The following SIL1 variants were observed in gnomAD, a reference collection of about 807,000 sequenced individuals.
SIL1 encodes the protein nucleotide exchange factor SIL1.
A neutral mutation model predicts 49.1 loss-of-function variants in SIL1; 40 were observed. That is an observed-to-expected ratio of 0.81 (90% confidence interval 0.63 to 1.06). SIL1 has a LOEUF of 1.06. Ranked by LOEUF, SIL1 falls within the 50% of genes least tolerant of loss-of-function variation. The pLI is 0.00. For missense variants in SIL1, 500 were observed against 572.6 expected, an observed-to-expected ratio of 0.87 and a Z score of 1.29; for synonymous variants, 253 against 250.8, an observed-to-expected ratio of 1.01 and a Z score of -0.08.
At chr5:139,123,054 G>T (rs1354933149) in intron 2 of SIL1, among the ~76,000 whole-genome samples, 1 of 152,142 alleles carries the variant, frequency 6.6e-6, no homozygotes, top group Non-Finnish European at 1.5e-5. Context: ...CTGGCTTTGG[G>T]TACATGGTGG....
intron 7 of SIL1, among the ~76,000 whole-genome samples, chr5:138,976,279 G>A (rs749256971): frequency 9.9e-5 from 15 of 151,776 alleles, no homozygotes; most frequent in Admixed American, 5.2e-4. Context: ...CTATGTGCCC[G>A]GTGCATGCTC....
chr5:139,128,516 G>T (rs1480161743), intron 1 of SIL1, among the ~76,000 whole-genome samples: 2 of 152,072 alleles, frequency 1.3e-5, no homozygotes, highest in Non-Finnish European at 2.9e-5. Context: ...AGGCATGGTG[G>T]TGTGAGCCTG....
intron 3 of SIL1, among the ~76,000 whole-genome samples, chr5:139,118,599 A>G (rs1022843605): frequency 2.0e-5 from 3 of 152,216 alleles, no homozygotes; most frequent in African/African-American, 7.2e-5. Flanking sequence ...CCTCTTTACC[A>G]CTAAATTATA....
At chr5:139,143,772 A>G (rs1751140852) in intron 1 of SIL1, among the ~76,000 whole-genome samples, 1 of 152,212 alleles carries the variant, frequency 6.6e-6, no homozygotes, top group South Asian at 2.1e-4. Context: ...CACAAAAATC[A>G]GTTGTATTTC....
chr5:138,950,518 C>T (rs942316661), intron 9 of SIL1, among the ~76,000 whole-genome samples: 3 of 152,218 alleles, frequency 2.0e-5, no homozygotes, highest in East Asian at 1.9e-4. Context: ...CTCCACTAGT[C>T]GGCATGCGGC....
At chr5:139,183,195 A>AACCTAAGCATG (rs766369774) in intron 1 of SIL1, among the ~76,000 whole-genome samples, 9 of 152,186 alleles carry the variant, frequency 5.9e-5, no homozygotes, top group South Asian at 2.1e-4. Context: ...GTAAGGAAAG[A>AACCTAAGCATG]ACCTAAGCAT....
intron 3 of SIL1, among the ~76,000 whole-genome samples, chr5:139,073,859 C>T (rs1769886701): frequency 6.6e-6 from 1 of 151,446 alleles, no homozygotes; most frequent in Non-Finnish European, 1.5e-5. Flanking sequence ...AAGACCACAC[C>T]ATTGCACTCC....
intron 7 of SIL1, among the ~76,000 whole-genome samples, chr5:138,968,309 C>G (rs1235080203): frequency 6.6e-6 from 1 of 152,176 alleles, no homozygotes. Flanking sequence ...GTGACAGCAG[C>G]AGGCTCAGCG....
In SIL1 at chr5:139,021,331, G is replaced by A. The variant is rs184239559; in HGVS notation, c.646-39C>T. The A allele has an allele frequency of 4.5e-5, 73 of 1,612,592 alleles. No homozygotes were observed. In the African/African-American group the frequency reaches 8.1e-4, roughly 18 times the overall value. The stretch of plus-strand genomic sequence containing the variant: ...ACTGCTTAGTACAGCATAGCCATCA[G>A]GGACAGGAAAGCTGTTCTTAGAGCC... On this transcript the variant is annotated intron_variant, in intron 6 of 9. Coordinates refer to ENST00000394817, the MANE Select transcript of SIL1 (RefSeq NM_022464.5).
chr5:139,132,367 A>G (rs569712994), intron 1 of SIL1, among the ~76,000 whole-genome samples: 2 of 152,304 alleles, frequency 1.3e-5, no homozygotes, highest in South Asian at 2.1e-4. Flanking sequence ...ACACGCTAAC[A>G]CTGTCAGAAA....
intron 7 of SIL1, among the ~76,000 whole-genome samples, chr5:139,018,590 CA>C (rs34450224): frequency 0.31 from 21,615 of 69,810 alleles, 1,253 homozygotes; most frequent in Middle Eastern, 0.47. Flanking sequence ...GACCCTGACT[CA>C]AAAAAAAAAA....
At chr5:139,189,235 G>A (rs138459860) in intron 1 of SIL1, among the ~76,000 whole-genome samples, 116 of 152,324 alleles carry the variant, frequency 7.6e-4, no homozygotes, top group African/African-American at 2.7e-3. Flanking sequence ...GCAAGTGAGT[G>A]AGCAAAGCTT....
chr5:138,949,463 C>G (rs1205395707), intron 9 of SIL1, among the ~76,000 whole-genome samples: 1 of 152,192 alleles, frequency 6.6e-6, no homozygotes, highest in Non-Finnish European at 1.5e-5. Flanking sequence ...CAGCTCATGT[C>G]CCTCCACCTT....
intron 1 of SIL1, among the ~76,000 whole-genome samples, chr5:139,197,317 T>C (rs1752295487): frequency 6.6e-6 from 1 of 151,516 alleles, no homozygotes. Flanking sequence ...ATCACTTTCT[T>C]CTCTTAGCAA....
At chr5:139,133,726 T>C (rs893474680) in intron 1 of SIL1, among the ~76,000 whole-genome samples, 1 of 152,230 alleles carries the variant, frequency 6.6e-6, no homozygotes, top group Non-Finnish European at 1.5e-5. Flanking sequence ...GCCCTTGGAA[T>C]TCCATCTTAT....
intron 7 of SIL1, among the ~76,000 whole-genome samples, chr5:138,993,835 G>A (rs1367150989): frequency 1.3e-5 from 2 of 152,148 alleles, no homozygotes; most frequent in African/African-American, 4.8e-5. Flanking sequence ...TGACACCTTG[G>A]ACTACGGCAA....
chr5:139,172,789 C>T (rs181760694), intron 1 of SIL1, among the ~76,000 whole-genome samples: 1 of 152,256 alleles, frequency 6.6e-6, no homozygotes, highest in East Asian at 1.9e-4. Context: ...CCAGCTGTTG[C>T]GGCCACAGTG....
At chr5:139,051,582 G>A (rs889649117) in intron 3 of SIL1, among the ~76,000 whole-genome samples, 1 of 152,192 alleles carries the variant, frequency 6.6e-6, no homozygotes, top group Non-Finnish European at 1.5e-5. Flanking sequence ...CACAGGGACT[G>A]TATTTCCTCC....
At position 138,947,188 on chromosome 5, in the gene SIL1, C is replaced by T. The variant is rs772617071; in HGVS notation, c.1315G>A (p.Asp439Asn). 4 of 1,613,496 alleles carry T rather than the reference C, an allele frequency of 2.5e-6. No individual in the cohort carries two copies. In the African/African-American group the frequency reaches 5.3e-5, roughly 22 times the overall value. Residue 439 changes from aspartate (D) to asparagine (N), a missense_variant, in exon 10 of 10, where the codon GAT becomes AAT. Physicochemically the swap from Asp to Asn is conservative, Grantham distance 23. Transcript: ENST00000394817. This position sits in a 1 kb window ranked among gnomAD's most constrained non-coding sequence, Gnocchi z 4.1. ...YQVLASLELQ[D>N]GEDEGYFQEL... is the part of the protein sequence containing the mutation. The stretch of plus-strand genomic sequence containing the variant: ...TGGAAGTAGCCCTCGTCCTCACCAT[C>T]CTGCAGCTCCAGGCTGGCCAGCACC...
Sources: gnomAD v4.1 joint callset for allele counts (sites outside exome capture counted in the v4.1 genomes callset) on GRCh38, gnomAD v4.1.1 for gene constraint, Gnocchi (gnomAD v3.1) non-coding constraint, MANE v1.5 for transcripts, NCBI Gene and HGNC (gene_info 2026-07-23, HGNC 2026-07-21) for gene names.